Variants in LRMDA observed in about 807,000 individuals in gnomAD.
The protein encoded by LRMDA is leucine-rich melanocyte differentiation-associated protein.
A neutral mutation model predicts 29.8 loss-of-function variants in LRMDA; 18 were observed. That is an observed-to-expected ratio of 0.60 (90% CI 0.42 to 0.90). The LOEUF (loss-of-function observed/expected upper bound fraction) is 0.90, where lower values mean the gene tolerates loss of function less well. LRMDA is among the 40% of genes least tolerant of loss of function. LRMDA has a pLI of 0.00. For synonymous variants in LRMDA, 125 were observed against 109.4 expected (o/e 1.14, Z -0.89); for missense variants, 273 against 273.9 (o/e 1.00, Z 0.02).
At chr10:75,467,721 G>A (rs1014653909) in intron 2 of LRMDA, among the ~76,000 whole-genome samples, 27 of 152,040 alleles carry the variant, frequency 1.8e-4, no homozygotes, top group Admixed American at 5.9e-4. Context: ...CCAGCACTTT[G>A]GGAGGCCGAG....
intron 5 of LRMDA, among the ~76,000 whole-genome samples, chr10:76,251,173 A>T (rs1166534183): frequency 6.8e-6 from 1 of 147,940 alleles, no homozygotes; most frequent in Non-Finnish European, 1.5e-5. Context: ...GGTCACACTG[A>T]TATCATGACT....
At chr10:75,990,139 G>A (rs1285423031) in intron 2 of LRMDA, among the ~76,000 whole-genome samples, 4 of 152,236 alleles carry the variant, frequency 2.6e-5, no homozygotes, top group Admixed American at 2.6e-4. Flanking sequence ...TGTAGGGCTA[G>A]AGCCTTTGAT....
chr10:75,942,206 A>T (rs990655754), intron 2 of LRMDA, among the ~76,000 whole-genome samples: 1 of 152,014 alleles, frequency 6.6e-6, no homozygotes, highest in Non-Finnish European at 1.5e-5. Context: ...TTATCATACA[A>T]ATGTGGTGAT....
chr10:75,562,447 C>T (rs1840310970), intron 2 of LRMDA, among the ~76,000 whole-genome samples: 1 of 152,062 alleles, frequency 6.6e-6, no homozygotes, highest in Non-Finnish European at 1.5e-5. Context: ...GATGGGTTTC[C>T]TGAATACAGC....
intron 5 of LRMDA, among the ~76,000 whole-genome samples, chr10:76,303,714 CTTT>C (rs3066443): frequency 1.5e-4 from 22 of 142,104 alleles, no homozygotes; most frequent in Admixed American, 2.1e-4. Flanking sequence ...GATTGCCACT[CTTT>C]TTTTTTTTTT....
chr10:75,723,239 C>A (rs1044799683), intron 2 of LRMDA, among the ~76,000 whole-genome samples: 1 of 152,190 alleles, frequency 6.6e-6, no homozygotes, highest in Admixed American at 6.5e-5. Context: ...GCCTGAGGAG[C>A]CTGCCATGAA....
In LRMDA at chr10:76,542,440, G is replaced by C. The variant is rs575453642; in HGVS notation, c.602-14769G>C. On this transcript the variant is annotated intron_variant, in intron 6 of 6. Coordinates refer to ENST00000611255, the MANE Select transcript of LRMDA (RefSeq NM_001305581.2). Reference sequence around the variant, plus strand: ...TTAGGGTCTGGGATTGGGGCTGACTGATACACTGCCGTGATGAGATATAAC... The same window carrying C: ...TTAGGGTCTGGGATTGGGGCTGACTCATACACTGCCGTGATGAGATATAAC... Among the ~76,000 whole-genome samples, 44 of 152,192 alleles carry C rather than the reference G, an allele frequency of 2.9e-4. No homozygotes were observed. The South Asian group carries it at 8.5e-3, about 29-fold the overall frequency.
At chr10:76,158,933 G>C (rs1460903787) in intron 5 of LRMDA, among the ~76,000 whole-genome samples, 3 of 152,220 alleles carry the variant, frequency 2.0e-5, no homozygotes, top group Admixed American at 6.5e-5. Context: ...TAGGAAATTA[G>C]ATAGATAAAA....
chr10:75,659,644 G>A (rs1305840556), intron 2 of LRMDA, among the ~76,000 whole-genome samples: 1 of 152,168 alleles, frequency 6.6e-6, no homozygotes, highest in African/African-American at 2.4e-5. Context: ...TGGGAGGTGG[G>A]GGAAATGGGC....
intron 2 of LRMDA, among the ~76,000 whole-genome samples, chr10:75,934,439 C>T (rs553669627): frequency 5.9e-5 from 9 of 152,254 alleles, no homozygotes; most frequent in Middle Eastern, 3.4e-3. Context: ...CCTGGCTACC[C>T]TTGGAGGTGT....
intron 5 of LRMDA, among the ~76,000 whole-genome samples, chr10:76,259,123 T>C (rs1202330461): frequency 3.9e-5 from 6 of 152,214 alleles, no homozygotes; most frequent in Admixed American, 3.9e-4. Flanking sequence ...CTCACCAACA[T>C]TTGTTATTTT....
At chr10:76,082,290 T>G (rs1849061603) in intron 5 of LRMDA, among the ~76,000 whole-genome samples, 1 of 152,170 alleles carries the variant, frequency 6.6e-6, no homozygotes, top group Non-Finnish European at 1.5e-5. Context: ...GTGTGATATT[T>G]GAATTGTACC....
At chr10:76,535,619 A>G (rs1843282656) in intron 6 of LRMDA, among the ~76,000 whole-genome samples, 1 of 152,178 alleles carries the variant, frequency 6.6e-6, no homozygotes. Context: ...CTAAATTATT[A>G]CTGTGAAAAT....
At chr10:75,622,398 T>C (rs1841200513) in intron 2 of LRMDA, among the ~76,000 whole-genome samples, 1 of 152,194 alleles carries the variant, frequency 6.6e-6, no homozygotes, top group South Asian at 2.1e-4. Flanking sequence ...AATTATCTTC[T>C]TTCTCCTATT....
intron 6 of LRMDA, among the ~76,000 whole-genome samples, chr10:76,382,294 G>C (rs191583115): frequency 3.3e-5 from 5 of 152,284 alleles, no homozygotes; most frequent in Admixed American, 3.3e-4. Flanking sequence ...ATGGTCTAAA[G>C]TTGGAAAAAT....
At chr10:75,983,078 A>G (rs758548080) in intron 2 of LRMDA, among the ~76,000 whole-genome samples, 6 of 152,136 alleles carry the variant, frequency 3.9e-5, no homozygotes, top group Non-Finnish European at 7.4e-5. Flanking sequence ...GCAGGACCAC[A>G]TTGCCTCCTT....
chr10:76,280,239 C>G (rs1000087997), intron 5 of LRMDA, among the ~76,000 whole-genome samples: 2 of 152,038 alleles, frequency 1.3e-5, no homozygotes, highest in African/African-American at 2.4e-5. Flanking sequence ...ATAGGAGTAA[C>G]CTTGTTGGGT....
chr10:76,087,822 T>C (rs947586968), intron 5 of LRMDA, among the ~76,000 whole-genome samples: 3 of 152,214 alleles, frequency 2.0e-5, no homozygotes, highest in African/African-American at 7.2e-5. Context: ...TTTGAAAATA[T>C]AGCAAGAACT....
At chr10:75,868,958 A>G (rs1845065216) in intron 2 of LRMDA, among the ~76,000 whole-genome samples, 1 of 152,196 alleles carries the variant, frequency 6.6e-6, no homozygotes, top group African/African-American at 2.4e-5. Context: ...AGGTTTTAAG[A>G]AAAAGGGTAA....
Sources: gnomAD v4.1 joint callset for allele counts (sites outside exome capture counted in the v4.1 genomes callset) on GRCh38, gnomAD v4.1.1 for gene constraint, MANE v1.5 for transcripts, NCBI Gene and HGNC (gene_info 2026-07-23, HGNC 2026-07-21) for gene names.